Variants in DMTF1 observed in about 807,000 individuals in gnomAD.
DMTF1 encodes the protein cyclin-D-binding Myb-like transcription factor 1.
Under a neutral mutation model 91.1 loss-of-function variants are expected in DMTF1, and 39 were observed. That is an observed-to-expected ratio of 0.43 (90% CI 0.33 to 0.56). The LOEUF is 0.56. Among genes scored for constraint, DMTF1 ranks in the 20% least tolerant of loss-of-function variants. The pLI, the probability that DMTF1 is intolerant of heterozygous loss-of-function variation, is 0.05. For synonymous variants in DMTF1, 338 were observed against 309.5 expected, an observed-to-expected ratio of 1.09 and a Z score of -0.97; for missense variants, 750 against 914.5, an observed-to-expected ratio of 0.82 and a Z score of 2.32.
At position 87,173,530 on chromosome 7, in the gene DMTF1, T is replaced by C. The variant is rs1489201343; in HGVS notation, c.328-5T>C. ...TTTGTTTTGTTTTACTTTTACCTTT[T>C]CAAGATTTTGCAGAATGAGCAACTA... On this transcript the variant is annotated splice_region_variant and splice_polypyrimidine_tract_variant and intron_variant, in intron 5 of 17. Coordinates refer to ENST00000331242, the MANE Select transcript of DMTF1 (RefSeq NM_001142327.2). 6.3e-7 allele frequency: 1 copy of C among 1,591,880 alleles called. No homozygotes were observed. Among genetic ancestry groups the C allele is most frequent in the Non-Finnish European group, 8.6e-7 (1 of 1,166,956 alleles).
chr7:87,184,694 CTT>C, intron 11 of DMTF1, 69 bp downstream of exon 11: 1 of 1,405,920 alleles, frequency 7.1e-7, no homozygotes, highest in Non-Finnish European at 9.9e-7. Flanking sequence ...AGACTTTCCT[CTT>C]TTGGTTTTCC....
chr7:87,184,579 G>A lies in DMTF1; in HGVS notation c.1003G>A (p.Gly335Arg). The change falls in exon 11 of 18, where the codon GGG becomes AGG. Residue 335 changes from glycine (G) to arginine (R), a missense_variant. Physicochemically the swap from Gly to Arg is moderately radical, Grantham distance 125. This residue lies in a region of DMTF1 where 190 missense variants were observed against 343.8 expected (regional missense o/e 0.55). Coordinates refer to ENST00000331242, the MANE Select transcript of DMTF1 (RefSeq NM_001142327.2). ...WLNYLNWKQS[G>R]GTEWTKEDEI... is the part of the protein sequence containing the mutation. ...CAACTACCTGAATTGGAAACAGAGT[G>A]GGGGTACTGAATGGACCAAGGAAGA... 6.2e-7 allele frequency: 1 copy of A among 1,613,942 alleles called. No individual in the cohort carries two copies. The highest frequency in any genetic ancestry group is 8.5e-7 in the Non-Finnish European group (1 of 1,179,920).
intron 13 of DMTF1, 114 bp downstream of exon 13, chr7:87,188,415 C>A: frequency 9.6e-7 from 1 of 1,042,668 alleles, no homozygotes; most frequent in Non-Finnish European, 1.4e-6. Flanking sequence ...AGTCGGTGAA[C>A]TGAAGGACAT....
rs146581506 is a variant in DMTF1, at chr7:87,185,568, C to G, written c.1050-261C>G. Among the ~76,000 whole-genome samples, 314 of 152,270 alleles carry G rather than the reference C, an allele frequency of 2.1e-3. 2 individuals are homozygous for G. Among genetic ancestry groups the G allele is most frequent in the African/African-American group, 7.1e-3 (293 of 41,542 alleles). Reference sequence around the variant, plus strand: ...GCATACTCCTTTTCCTTCACAGTGCCTCATCTGGCTCTAACCATTTATAGT... The same window carrying G: ...GCATACTCCTTTTCCTTCACAGTGCGTCATCTGGCTCTAACCATTTATAGT... On this transcript the variant is annotated intron_variant, in intron 11 of 17. Coordinates refer to ENST00000331242, the MANE Select transcript of DMTF1 (RefSeq NM_001142327.2).
At chr7:87,165,107 A>G in intron 3 of DMTF1, 57 bp downstream of exon 3, 1 of 1,334,660 alleles carries the variant, frequency 7.5e-7, no homozygotes. Context: ...ATTCCATGTC[A>G]CTTTTGACCC....
intron 13 of DMTF1, among the ~76,000 whole-genome samples, chr7:87,190,647 C>A (rs1033549254): frequency 6.6e-6 from 1 of 152,020 alleles, no homozygotes; most frequent in African/African-American, 2.4e-5. Flanking sequence ...GCTAAAGTAA[C>A]CACAGAAAAT....
chr7:87,165,537 C>T (rs760499953), intron 3 of DMTF1, among the ~76,000 whole-genome samples: 21 of 152,194 alleles, frequency 1.4e-4, no homozygotes, highest in Non-Finnish European at 2.1e-4. Context: ...TTCATCTTTA[C>T]TCAACCTAGG....
intron 11 of DMTF1, 72 bp downstream of exon 11, chr7:87,184,697 T>C (rs777233273): frequency 4.9e-5 from 66 of 1,359,582 alleles, no homozygotes; most frequent in Non-Finnish European, 6.2e-5. Flanking sequence ...CTTTCCTCTT[T>C]TGGTTTTCCT....
At chr7:87,172,987 C>A (rs944785198) in intron 5 of DMTF1, among the ~76,000 whole-genome samples, 2 of 152,140 alleles carry the variant, frequency 1.3e-5, no homozygotes, top group African/African-American at 2.4e-5. Context: ...AAACAATAAG[C>A]GGACAGTGAT....
chr7:87,195,072 G>A lies in DMTF1; in HGVS notation c.2215G>A (p.Gly739Arg), dbSNP rs1800983131. Reference protein sequence around the residue: ...QHHQEESNIIGSSLGSPVSED... With the variant: ...QHHQEESNIIRSSLGSPVSED... ...TCATCAGGAAGAATCAAATATCATTGGATCATCCTTGGGCAGTCCTGTTTC... is the reference window on the plus strand; with the variant it reads ...TCATCAGGAAGAATCAAATATCATTAGATCATCCTTGGGCAGTCCTGTTTC... The change falls in exon 18 of 18, where the codon GGA becomes AGA. Residue 739 changes from glycine (G) to arginine (R), a missense_variant. Gly to Arg is a moderately radical substitution (Grantham distance 125). This residue lies in a region of DMTF1 where 410 missense variants were observed against 420.2 expected (regional missense o/e 0.98). Coordinates refer to ENST00000331242, the MANE Select transcript of DMTF1 (RefSeq NM_001142327.2). The A allele has an allele frequency of 6.2e-7, 1 of 1,612,028 alleles. No individual in the cohort carries two copies. Among genetic ancestry groups the A allele is most frequent in the South Asian group, 1.1e-5 (1 of 90,952 alleles).
At chr7:87,184,719 G>A (rs1798035324) in intron 11 of DMTF1, 94 bp downstream of exon 11, 2 of 1,032,410 alleles carry the variant, frequency 1.9e-6, no homozygotes, top group African/African-American at 3.2e-5. Context: ...GATGCCTAGT[G>A]TCTGAAAAGT....
intron 3 of DMTF1, among the ~76,000 whole-genome samples, chr7:87,166,148 C>T (rs940211654): frequency 6.6e-6 from 1 of 152,222 alleles, no homozygotes. Context: ...GCAGATCACA[C>T]TATCTTTATT....
intron 13 of DMTF1, 69 bp from the exon 14 acceptor site, chr7:87,190,876 A>G (rs1799601869): frequency 1.5e-6 from 2 of 1,358,942 alleles, no homozygotes; most frequent in Non-Finnish European, 2.0e-6. Context: ...AGTACACTAG[A>G]GAAACTTAAA....
rs1232899879 is a variant in DMTF1 at position 87,156,909 on chromosome 7, C to T, written c.-132+4354C>T. ...CTACAAAAATGTTGAGTAATAGGTA[C>T]GAATTAGATAAATTTAGATCTATGT... is the stretch of plus-strand genomic sequence containing the variant. On this transcript the variant is annotated intron_variant, in intron 1 of 17. Transcript: ENST00000331242. Among the ~76,000 whole-genome samples the T allele has an allele frequency of 6.6e-5, 10 of 151,922 alleles. No homozygotes were observed. The East Asian group carries it at 1.7e-3, about 26-fold the overall frequency.
intron 16 of DMTF1, 111 bp downstream of exon 16, chr7:87,194,213 T>C: frequency 1.7e-6 from 2 of 1,190,864 alleles, no homozygotes; most frequent in Admixed American, 2.5e-5. Flanking sequence ...ACCCCCAACC[T>C]CACACCTCAC....
intron 7 of DMTF1, among the ~76,000 whole-genome samples, chr7:87,175,541 A>G (rs1796089856): frequency 6.6e-6 from 1 of 152,238 alleles, no homozygotes; most frequent in South Asian, 2.1e-4. Flanking sequence ...CCATTTGGGC[A>G]GACTGGAAAC....
chr7:87,160,779 GCTT>G (rs1339215709), intron 1 of DMTF1, among the ~76,000 whole-genome samples: 5 of 152,126 alleles, frequency 3.3e-5, no homozygotes, highest in African/African-American at 4.8e-5. Context: ...ACACTCTTGT[GCTT>G]CTTAGTTAAT....
At chr7:87,187,154 T>C (rs1014849635) in intron 12 of DMTF1, 1 of 152,196 alleles carries the variant, frequency 6.6e-6, no homozygotes, top group African/African-American at 2.4e-5. Context: ...TTATTCCCCT[T>C]ATTATAGCAC....
At chr7:87,189,898 G>C (rs1799349316) in intron 13 of DMTF1, among the ~76,000 whole-genome samples, 1 of 152,042 alleles carries the variant, frequency 6.6e-6, no homozygotes, top group African/African-American at 2.4e-5. Flanking sequence ...TATTATAGCT[G>C]TGATCTTATG....
Sources: allele counts gnomAD v4.1 joint callset (sites outside exome capture counted in the v4.1 genomes callset), GRCh38; gene constraint gnomAD v4.1.1; regional missense constraint gnomAD v4.1.1; transcripts MANE v1.5; gene names NCBI Gene and HGNC (gene_info 2026-07-23, HGNC 2026-07-21).